Variants in TBC1D7 observed in about 807,000 individuals in gnomAD.
TBC1D7 encodes the protein TBC domain family 7.
TBC1D7 carries 33 observed loss-of-function variants against 35.3 expected under a neutral mutation model. That is an observed-to-expected ratio of 0.93 (90% CI 0.71 to 1.25). TBC1D7 has a LOEUF of 1.25. Ranked by LOEUF, TBC1D7 falls within the 50% of genes most tolerant of loss-of-function variation. The probability of loss-of-function intolerance (pLI) is 0.00; values close to 1 mark genes in which losing one functional copy is unlikely to be tolerated. For missense variants in TBC1D7, 362 were observed against 365.3 expected, an observed-to-expected ratio of 0.99 and a Z score of 0.07; for synonymous variants, 135 against 129.5, an observed-to-expected ratio of 1.04 and a Z score of -0.29.
chr6:13,325,952 T>C (rs1784376478), intron 2 of TBC1D7, among the ~76,000 whole-genome samples: 1 of 152,158 alleles, frequency 6.6e-6, no homozygotes, highest in Non-Finnish European at 1.5e-5. Context: ...CCTCTACTTA[T>C]CAAAGGAGAA....
In TBC1D7 at chr6:13,316,566, C is replaced by G; in HGVS notation, c.519+5G>C. Reference sequence around the variant, plus strand: ...CAATAGCCAAAAAAAAAAAAAAGCCCTCACCAACTGGGGCAAGGAATCCCG... The same window carrying G: ...CAATAGCCAAAAAAAAAAAAAAGCCGTCACCAACTGGGGCAAGGAATCCCG... On this transcript the variant is annotated splice_donor_5th_base_variant and intron_variant, in intron 5 of 7. Coordinates refer to ENST00000379300, the MANE Select transcript of TBC1D7 (RefSeq NM_016495.6). The G allele has an allele frequency of 6.3e-7, 1 of 1,589,546 alleles. No homozygotes were observed. Among genetic ancestry groups the G allele is most frequent in the Non-Finnish European group, 8.5e-7 (1 of 1,173,492 alleles).
chr6:13,307,965 G>A (rs1030754784), intron 5 of TBC1D7, among the ~76,000 whole-genome samples: 1 of 152,164 alleles, frequency 6.6e-6, no homozygotes, highest in South Asian at 2.1e-4. Flanking sequence ...AGGACACAGG[G>A]CTCTTTCAGT....
chr6:13,313,430 A>G (rs1783373362), intron 5 of TBC1D7, among the ~76,000 whole-genome samples: 1 of 152,236 alleles, frequency 6.6e-6, no homozygotes, highest in South Asian at 2.1e-4. Flanking sequence ...GTAGGAGCAT[A>G]AATTGATATG....
At position 13,328,502 on chromosome 6, in the gene TBC1D7, C is replaced by CGCCGCTGCCGCT. The variant is rs553838367; in HGVS notation, c.-227_-216dup. 0.19 allele frequency: 28,689 copies of CGCCGCTGCCGCT among 153,766 alleles called. 3,288 individuals carry two copies. Among genetic ancestry groups the CGCCGCTGCCGCT allele is most frequent in the South Asian group, 0.39 (2,493 of 6,342 alleles). 9.5% of individuals were successfully genotyped at this position (153,766 alleles called of 1,614,324 possible). A position where few individuals can be genotyped will look rare whatever the true frequency, so the allele number is the denominator to read the frequency against. On this transcript the variant is annotated 5_prime_UTR_variant, in exon 1 of 8. Coordinates refer to ENST00000379300, the MANE Select transcript of TBC1D7 (RefSeq NM_016495.6). ...AGACGGCCCGGGAGACAAAACTCAG[C>CGCCGCTGCCGCT]GCCGCTGCCGCTGCCGCTGCCGCCG...
chr6:13,315,450 T>C (rs1783534963), intron 5 of TBC1D7, among the ~76,000 whole-genome samples: 1 of 152,220 alleles, frequency 6.6e-6, no homozygotes, highest in Admixed American at 6.5e-5. Flanking sequence ...TGGTGGCTCA[T>C]GCCTGTAAAT....
intron 5 of TBC1D7, among the ~76,000 whole-genome samples, chr6:13,313,122 T>C (rs1488825195): frequency 6.6e-6 from 1 of 152,208 alleles, no homozygotes; most frequent in Non-Finnish European, 1.5e-5. Flanking sequence ...ATGCAAATAC[T>C]ATTTGCAAGT....
At chr6:13,313,828 G>T (rs74879766) in intron 5 of TBC1D7, among the ~76,000 whole-genome samples, 2,663 of 152,196 alleles carry the variant, frequency 0.017, 73 homozygotes, top group African/African-American at 0.06. Context: ...AAAGCTCCCA[G>T]GTGGTACTAA....
intron 3 of TBC1D7, 84 bp downstream of exon 3, chr6:13,325,010 T>C: frequency 9.6e-7 from 1 of 1,040,172 alleles, no homozygotes; most frequent in South Asian, 1.5e-5. Context: ...AAACAAATTC[T>C]CCTTTTTCTG....
intron 4 of TBC1D7, chr6:13,319,858 C>T (rs1783903288): frequency 6.6e-6 from 1 of 152,034 alleles, no homozygotes. Flanking sequence ...AAGTGTCTCC[C>T]CACAAAGAGA....
intron 2 of TBC1D7, 150 bp downstream of exon 2, chr6:13,326,637 T>A: frequency 2.2e-6 from 1 of 458,700 alleles, no homozygotes; most frequent in Non-Finnish European, 3.8e-6. Context: ...ATTTGAAAAA[T>A]CTTTTCTCAA....
rs1782711906 is a variant in TBC1D7 at position 13,304,990 on chromosome 6, T to A, written c.*111A>T. The A allele has an allele frequency of 1.1e-6, 1 of 904,586 alleles. No homozygotes were observed. The highest frequency in any genetic ancestry group is 2.8e-5 in the East Asian group (1 of 35,350). The allele number at this position is 904,586 out of a possible 1,614,324, so 56.0% of individuals were successfully genotyped here. A position where few individuals can be genotyped will look rare whatever the true frequency, so the allele number is the denominator to read the frequency against. ...TTTTATTGGGGGAAAAAAACCACTT[T>A]GAGCACCAAAGCAAGAAAAGTGTAT... On this transcript the variant is annotated 3_prime_UTR_variant, in exon 8 of 8. Transcript: ENST00000379300.
At chr6:13,316,785 C>T in intron 4 of TBC1D7, 77 bp from the exon 5 acceptor site, 3 of 1,535,998 alleles carry the variant, frequency 2.0e-6, no homozygotes, top group Non-Finnish European at 2.6e-6. Flanking sequence ...AAAAATGAAA[C>T]CTTGCTCCCT....
intron 4 of TBC1D7, chr6:13,318,923 G>GA (rs1404356699): frequency 6.6e-6 from 1 of 152,218 alleles, no homozygotes; most frequent in African/African-American, 2.4e-5. Flanking sequence ...CTTCTCCACA[G>GA]TTATTTATTA....
intron 2 of TBC1D7, among the ~76,000 whole-genome samples, 190 bp from the exon 3 acceptor site, chr6:13,325,364 A>G (rs564441483): frequency 6.6e-6 from 1 of 152,322 alleles, no homozygotes; most frequent in South Asian, 2.1e-4. Flanking sequence ...CAACTAAGTT[A>G]TTTAAAAACA....
intron 5 of TBC1D7, among the ~76,000 whole-genome samples, chr6:13,314,786 C>T (rs1783485274): frequency 6.6e-6 from 1 of 152,194 alleles, no homozygotes; most frequent in Non-Finnish European, 1.5e-5. Context: ...TCTCATCTTG[C>T]ACCCTGTACC....
chr6:13,321,452 G>T (rs1183094395), intron 3 of TBC1D7, among the ~76,000 whole-genome samples: 4 of 152,126 alleles, frequency 2.6e-5, no homozygotes, highest in Non-Finnish European at 5.9e-5. Context: ...AGCTCCTAGA[G>T]GTCTCACCCT....
intron 5 of TBC1D7, among the ~76,000 whole-genome samples, chr6:13,308,293 G>A (rs1024658053): frequency 1.3e-5 from 2 of 152,198 alleles, no homozygotes; most frequent in Non-Finnish European, 2.9e-5. Flanking sequence ...ACACTGCCCT[G>A]GATTGAGCAC....
At chr6:13,306,637 C>A in intron 6 of TBC1D7, 110 bp from the exon 7 acceptor site, 2 of 854,688 alleles carry the variant, frequency 2.3e-6, no homozygotes, top group Non-Finnish European at 3.4e-6. Flanking sequence ...TATGTAAAAG[C>A]TTCAAAGAAC....
intron 4 of TBC1D7, 78 bp downstream of exon 4, chr6:13,320,830 A>C: frequency 6.9e-7 from 1 of 1,454,386 alleles, no homozygotes; most frequent in Non-Finnish European, 9.6e-7. Flanking sequence ...TTTTAAGGCA[A>C]AACATGATGT....
Sources: allele counts gnomAD v4.1 joint callset (sites outside exome capture counted in the v4.1 genomes callset), GRCh38; gene constraint gnomAD v4.1.1; transcripts MANE v1.5; gene names NCBI Gene and HGNC (gene_info 2026-07-23, HGNC 2026-07-21).